ZNF385B: variants seen among roughly 807,000 people sequenced by gnomAD.
ZNF385B encodes the protein zinc finger protein 385B.
Under a neutral mutation model 39.2 loss-of-function variants are expected in ZNF385B, and 23 were observed. The observed-to-expected ratio is 0.59, with a 90% confidence interval of 0.42 to 0.83. The LOEUF (loss-of-function observed/expected upper bound fraction) is 0.83, where lower values mean the gene tolerates loss of function less well. Ranked by LOEUF, ZNF385B falls within the 40% of genes least tolerant of loss-of-function variation. The pLI, the probability that ZNF385B is intolerant of heterozygous loss-of-function variation, is 0.00. For synonymous variants in ZNF385B, 205 were observed against 222.6 expected (o/e 0.92, Z 0.70); for missense variants, 552 against 598.9 (o/e 0.92, Z 0.82).
At chr2:179,769,866 A>C in intron 2 of ZNF385B, 64 bp from the exon 3 acceptor site, 2 of 1,444,270 alleles carry the variant, frequency 1.4e-6, no homozygotes, top group African/African-American at 1.4e-5. Context: ...TAGTATGATT[A>C]CAATTAATCT....
At chr2:179,802,750 T>C (rs1478947877) in intron 1 of ZNF385B, 4 of 152,090 alleles carry the variant, frequency 2.6e-5, no homozygotes, top group African/African-American at 9.7e-5. Flanking sequence ...CTTACAAAAC[T>C]AGAGGAAATT....
chr2:179,715,999 TAATGC>T (rs1355243922), intron 3 of ZNF385B, among the ~76,000 whole-genome samples: 1 of 152,212 alleles, frequency 6.6e-6, no homozygotes, highest in African/African-American at 2.4e-5. Flanking sequence ...AATAGCTACA[TAATGC>T]AATGCAAGGC....
At chr2:179,753,445 T>C (rs569332577) in intron 3 of ZNF385B, among the ~76,000 whole-genome samples, 1 of 152,334 alleles carries the variant, frequency 6.6e-6, no homozygotes, top group East Asian at 1.9e-4. Flanking sequence ...CCATATGAAC[T>C]TTAAAGTAGT....
At chr2:179,833,169 AT>A (rs1708071796) in intron 1 of ZNF385B, among the ~76,000 whole-genome samples, 1 of 152,130 alleles carries the variant, frequency 6.6e-6, no homozygotes, top group African/African-American at 2.4e-5. Flanking sequence ...TTATAATTTT[AT>A]TTAGGCACAA....
In ZNF385B at chr2:179,685,695, T is replaced by TAA. The variant is rs10930881; in HGVS notation, c.298+83806_298+83807dup. On this transcript the variant is annotated intron_variant, in intron 3 of 9. Coordinates refer to ENST00000410066, the MANE Select transcript of ZNF385B (RefSeq NM_152520.6). ...GCACAGGGCCTGACACAGAAAGTGC[T>TAA]AAAAAAAAAAATAAAAAAAGTCAGT... Among the ~76,000 whole-genome samples, 575 of 150,708 alleles carry TAA rather than the reference T, an allele frequency of 3.8e-3. 2 individuals are homozygous for TAA. Among genetic ancestry groups the TAA allele is most frequent in the African/African-American group, 0.012 (503 of 41,264 alleles).
intron 1 of ZNF385B, among the ~76,000 whole-genome samples, chr2:179,789,852 G>C (rs760566049): frequency 1.1e-4 from 16 of 152,008 alleles, no homozygotes; most frequent in Non-Finnish European, 1.8e-4. Flanking sequence ...GGCGGAAATG[G>C]AAATATAAGG....
At chr2:179,503,274 A>G (rs1396312145) in intron 5 of ZNF385B, among the ~76,000 whole-genome samples, 1 of 152,182 alleles carries the variant, frequency 6.6e-6, no homozygotes, top group African/African-American at 2.4e-5. Flanking sequence ...CTAAATCTCT[A>G]TGCTTCAACC....
At chr2:179,574,570 T>C (rs1050907741) in intron 3 of ZNF385B, among the ~76,000 whole-genome samples, 2 of 152,170 alleles carry the variant, frequency 1.3e-5, no homozygotes, top group Non-Finnish European at 2.9e-5. Flanking sequence ...GCACTGGCAT[T>C]ACAGTCAAAT....
chr2:179,442,703 A>G lies in ZNF385B; in HGVS notation c.*547T>C, dbSNP rs2049072586. The G allele has an allele frequency of 5.4e-6, 1 of 185,168 alleles. No individual in the cohort carries two copies. The highest frequency in any genetic ancestry group is 5.3e-5 in the Admixed American group (1 of 18,768). The allele number at this position is 185,168 out of a possible 1,614,324, so 11.5% of individuals were successfully genotyped here. A position where few individuals can be genotyped will look rare whatever the true frequency, so the allele number is the denominator to read the frequency against. ...AGTACTTGGGTCGAAACAGTACACA[A>G]TCCCTGTCAACAACAGTACACCAAA... On this transcript the variant is annotated 3_prime_UTR_variant, in exon 10 of 10. Transcript: ENST00000410066.
At chr2:179,455,833 C>A (rs990367) in intron 6 of ZNF385B, among the ~76,000 whole-genome samples, 61,056 of 147,966 alleles carry the variant, frequency 0.41, 14,117 homozygotes, top group African/African-American at 0.64. Context: ...CAGAGGTTGC[C>A]GTGAGCCAAG....
At chr2:179,558,441 C>G (rs899277605) in intron 3 of ZNF385B, among the ~76,000 whole-genome samples, 1 of 152,100 alleles carries the variant, frequency 6.6e-6, no homozygotes. Flanking sequence ...ATATTTCCCC[C>G]ATCCCAAGCC....
rs567906638 is a variant in ZNF385B at position 179,660,844 on chromosome 2, ATGTGATT to A, written c.298+108652_298+108658del. ...GCCAGCACTAAAGCCAATGAGATGA[ATGTGATT>A]TCTGAGACTATGTTTTCTAAAATAG... On this transcript the variant is annotated intron_variant, in intron 3 of 9. Coordinates refer to ENST00000410066, the MANE Select transcript of ZNF385B (RefSeq NM_152520.6). 3.0e-4 allele frequency among the ~76,000 whole-genome samples: 45 copies of A among 152,336 alleles called. 2 individuals carry two copies. The East Asian group carries it at 7.1e-3, about 24-fold the overall frequency.
chr2:179,723,397 C>T (rs1422723536), intron 3 of ZNF385B, among the ~76,000 whole-genome samples: 1 of 151,764 alleles, frequency 6.6e-6, no homozygotes, highest in African/African-American at 2.4e-5. Context: ...AAGGTAATAA[C>T]CAAAATGTGG....
chr2:179,715,112 C>G (rs1259830743), intron 3 of ZNF385B, among the ~76,000 whole-genome samples: 1 of 152,052 alleles, frequency 6.6e-6, no homozygotes, highest in African/African-American at 2.4e-5. Flanking sequence ...CACATGCAAG[C>G]CATTAAGACA....
intron 3 of ZNF385B, among the ~76,000 whole-genome samples, chr2:179,755,790 T>C (rs1388412317): frequency 1.3e-5 from 2 of 152,214 alleles, no homozygotes; most frequent in Non-Finnish European, 2.9e-5. Context: ...GCTTGGTAGA[T>C]CTTCCTCCAT....
intron 3 of ZNF385B, chr2:179,584,015 G>T (rs1275546364): frequency 1.8e-6 from 2 of 1,102,094 alleles, no homozygotes; most frequent in East Asian, 5.9e-5. Flanking sequence ...TACTTGTTGT[G>T]TACACATTGT....
chr2:179,521,961 CTCT>C (rs370175821), intron 4 of ZNF385B, among the ~76,000 whole-genome samples: 101 of 152,192 alleles, frequency 6.6e-4, no homozygotes, highest in African/African-American at 2.2e-3. Flanking sequence ...TAGTCTAAAT[CTCT>C]TCTTCTGCTG....
chr2:179,836,813 C>T (rs1014266810), intron 1 of ZNF385B, among the ~76,000 whole-genome samples: 2 of 152,162 alleles, frequency 1.3e-5, no homozygotes, highest in Non-Finnish European at 2.9e-5. Context: ...CCACCGCGCA[C>T]GGCCTTGTGT....
chr2:179,711,810 A>T (rs144878041), intron 3 of ZNF385B, among the ~76,000 whole-genome samples: 5 of 151,916 alleles, frequency 3.3e-5, no homozygotes, highest in African/African-American at 1.2e-4. Flanking sequence ...AAAATGCTAT[A>T]TAAACTGCAT....
Sources: gnomAD v4.1 joint callset for allele counts (sites outside exome capture counted in the v4.1 genomes callset) on GRCh38, gnomAD v4.1.1 for gene constraint, MANE v1.5 for transcripts, NCBI Gene and HGNC (gene_info 2026-07-23, HGNC 2026-07-21) for gene names.